MED6: variants seen among roughly 807,000 people sequenced by gnomAD.
The protein encoded by MED6 is mediator of RNA polymerase II transcription subunit 6.
In MED6, 33 loss-of-function variants were observed where a neutral mutation model predicts 37.5. The ratio of observed to expected loss-of-function variants is 0.88; its 90% CI spans 0.67 to 1.18. The LOEUF is 1.18. Ranked by LOEUF, MED6 falls within the 50% of genes most tolerant of loss-of-function variation. MED6 has a pLI of 0.00. For synonymous variants in MED6, 94 were observed against 93.6 expected, an observed-to-expected ratio of 1.00 and a Z score of -0.02; for missense variants, 235 against 290.6, an observed-to-expected ratio of 0.81 and a Z score of 1.39.
chr14:70,595,646 G>T, intron 3 of MED6: 1 of 955,384 alleles, frequency 1.0e-6, no homozygotes, highest in East Asian at 2.6e-5. Context: ...TGAACATCAA[G>T]GTCAAGCTGT....
Position 70,591,271 on chromosome 14 carries a change from C to CA in MED6, c.576dup (p.Val193CysfsTer29). On this transcript the variant is annotated frameshift_variant, in exon 6 of 8. Coordinates refer to ENST00000256379, the MANE Select transcript of MED6 (RefSeq NM_005466.4). LOFTEE classifies it high-confidence loss of function. ...ACCACACATATTCTCATTACCTGCA[C>CA]AAATTTGGGTGGAAATTTTTGTCTG... 6.2e-7 allele frequency: 1 copy of CA among 1,610,334 alleles called. No individual in the cohort carries two copies. The highest frequency in any genetic ancestry group is 8.5e-7 in the Non-Finnish European group (1 of 1,177,890).
chr14:70,586,943 C>T (rs1416136923), intron 6 of MED6, among the ~76,000 whole-genome samples: 1 of 152,166 alleles, frequency 6.6e-6, no homozygotes, highest in African/African-American at 2.4e-5. Flanking sequence ...TGGAGGGTTC[C>T]CACCATTCCC....
intron 1 of MED6, among the ~76,000 whole-genome samples, chr14:70,598,692 C>G (rs886815326): frequency 2.0e-5 from 3 of 151,760 alleles, no homozygotes; most frequent in African/African-American, 7.3e-5. Context: ...AGAATAATTT[C>G]ATTAGGTGAA....
In MED6 at chr14:70,592,476, T is replaced by TC. The variant is rs1884904831; in HGVS notation, c.466+403dup. On this transcript the variant is annotated intron_variant, in intron 5 of 7. Transcript: ENST00000256379. Reference sequence around the variant, plus strand: ...TTCCACACCACTGTCTCTCCTATGTTCCTTTTTTTTTTTTTTTTTTTTTTT... The same window carrying TC: ...TTCCACACCACTGTCTCTCCTATGTTCCCTTTTTTTTTTTTTTTTTTTTTTT... 6 of 148,060 alleles carry TC rather than the reference T, an allele frequency of 4.1e-5. No homozygotes were observed. The South Asian group carries it at 1.1e-3, about 27-fold the overall frequency. 9.2% of individuals were successfully genotyped at this position (148,060 alleles called of 1,614,324 possible).
intron 5 of MED6, 123 bp downstream of exon 5, chr14:70,592,757 G>A: frequency 4.8e-6 from 5 of 1,042,100 alleles, no homozygotes; most frequent in Admixed American, 2.3e-5. Flanking sequence ...CTGCAACAAA[G>A]CCATCATCCC....
intron 1 of MED6, among the ~76,000 whole-genome samples, chr14:70,599,901 ATG>A (rs1885154756): frequency 6.6e-6 from 1 of 151,666 alleles, no homozygotes. Flanking sequence ...TTTGTAATAA[ATG>A]TGTTAGACCC....
chr14:70,595,695 A>G lies in MED6; in HGVS notation c.274+916T>C, dbSNP rs1462899568. On this transcript the variant is annotated intron_variant, in intron 3 of 7. Transcript: ENST00000256379. The stretch of plus-strand genomic sequence containing the variant: ...CACCTACCGCCGCCTGCTGGAAGAC[A>G]GCCAGGACTTCAATCTTGGTGACGC... The G allele has an allele frequency of 3.6e-6, 3 of 826,146 alleles. No homozygotes were observed. The East Asian group carries it at 7.7e-5, about 21-fold the overall frequency. The allele number at this position is 826,146 out of a possible 1,614,324, so 51.2% of individuals were successfully genotyped here.
intron 1 of MED6, among the ~76,000 whole-genome samples, chr14:70,598,962 G>A (rs1202853426): frequency 6.6e-6 from 1 of 152,152 alleles, no homozygotes; most frequent in Non-Finnish European, 1.5e-5. Flanking sequence ...ATTTAGCGTA[G>A]AATTAAATCA....
In MED6 at chr14:70,584,302, T is replaced by C. The variant is rs1347358282; in HGVS notation, c.*511A>G. 1.8e-6 allele frequency: 1 copy of C among 568,730 alleles called. No individual in the cohort carries two copies. The highest frequency in any genetic ancestry group is 1.9e-5 in the African/African-American group (1 of 53,002). 35.2% of individuals were successfully genotyped at this position (568,730 alleles called of 1,614,324 possible). The stretch of plus-strand genomic sequence containing the variant: ...CCAGTAAACATGTGAGTGTGTAGGT[T>C]GCTCAAGTCCGGGAGAGGAAAGGTT... On this transcript the variant is annotated 3_prime_UTR_variant, in exon 8 of 8. Transcript: ENST00000256379.
intron 1 of MED6, among the ~76,000 whole-genome samples, chr14:70,598,870 T>C (rs567030702): frequency 2.1e-4 from 32 of 152,336 alleles, no homozygotes; most frequent in African/African-American, 7.5e-4. Flanking sequence ...GAAGCTATTA[T>C]TGTAGATGAG....
Position 70,591,268 on chromosome 14 carries a change from G to A in MED6, c.580C>T (p.Gln194Ter). The A allele has an allele frequency of 6.2e-7, 1 of 1,607,830 alleles. No homozygotes were observed. Among genetic ancestry groups the A allele is most frequent in the East Asian group, 2.2e-5 (1 of 44,638 alleles). ...TTAACCACACATATTCTCATTACCT[G>A]CACAAATTTGGGTGGAAATTTTTGT... The part of the protein sequence containing the change: ...LRQKFPPKFV[Q>*]LKPGEKPVPV... The change falls in exon 6 of 8, where the codon CAG (glutamine) becomes TAG (stop). Residue 194 changes from glutamine to a stop codon, truncating the protein, a stop_gained and splice_region_variant. Coordinates refer to ENST00000256379, the MANE Select transcript of MED6 (RefSeq NM_005466.4). LOFTEE classifies it high-confidence loss of function.
At chr14:70,592,614 C>A in intron 5 of MED6, 1 of 268,854 alleles carries the variant, frequency 3.7e-6, no homozygotes, top group Non-Finnish European at 7.3e-6. Context: ...AGGAGTGAGC[C>A]ACCACACCTG....
At chr14:70,595,845 T>C (rs1240279223) in intron 3 of MED6, 4 of 672,168 alleles carry the variant, frequency 6.0e-6, no homozygotes, top group Middle Eastern at 4.3e-4. Context: ...AGAAGCAGGG[T>C]ACCCTTTGAG....
At chr14:70,586,824 T>C (rs1316563147) in intron 6 of MED6, among the ~76,000 whole-genome samples, 3 of 152,210 alleles carry the variant, frequency 2.0e-5, no homozygotes, top group African/African-American at 7.2e-5. Context: ...CTTCACATTA[T>C]TATCCACTGT....
rs916293235 is a variant in MED6, at chr14:70,600,589, G to C, written c.22+27C>G. The C allele has an allele frequency of 3.1e-6, 5 of 1,613,084 alleles. No homozygotes were observed. In the Middle Eastern group the frequency reaches 5.0e-4, roughly 160 times the overall value. On this transcript the variant is annotated intron_variant, in intron 1 of 7. Coordinates refer to ENST00000256379, the MANE Select transcript of MED6 (RefSeq NM_005466.4). ...CCCAAACTGGTCCACAGACAATCAA[G>C]AGACAAAATATAGCAATACAGTATA...
In MED6 at chr14:70,584,681, T is replaced by A; in HGVS notation, c.*132A>T. 2 of 1,230,694 alleles carry A rather than the reference T, an allele frequency of 1.6e-6. No homozygotes were observed. The highest frequency in any genetic ancestry group is 2.2e-6 in the Non-Finnish European group (2 of 892,064). The allele number at this position is 1,230,694 out of a possible 1,614,324, so 76.2% of individuals were successfully genotyped here. On this transcript the variant is annotated 3_prime_UTR_variant, in exon 8 of 8. Coordinates refer to ENST00000256379, the MANE Select transcript of MED6 (RefSeq NM_005466.4). Reference sequence around the variant, plus strand: ...GTGAGCCACCACATCCGGCCTAATATCCTTTCAAAAAATAAGCGCATTCCA... The same window carrying A: ...GTGAGCCACCACATCCGGCCTAATAACCTTTCAAAAAATAAGCGCATTCCA...
intron 3 of MED6, chr14:70,594,656 T>C (rs1884987280): frequency 2.2e-6 from 1 of 449,964 alleles, no homozygotes; most frequent in Non-Finnish European, 4.2e-6. Context: ...CCAGCGTCTA[T>C]ACAGGCACCG....
rs1884863953 is a variant in MED6 at position 70,591,327 on chromosome 14, C to T, written c.521G>A (p.Arg174Lys). ...RKEEPSSIFQ[R>K]QRVDALLLDL... is the part of the protein sequence containing the mutation. ...TAAAAGTAAAGCATCCACACGTTGT[C>T]TCTGAAAAATAGAGCTTGGTTCTTC... The change falls in exon 6 of 8, where the codon AGA (arginine) becomes AAA (lysine). Residue 174 changes from arginine (R) to lysine (K), a missense_variant. Physicochemically the swap from Arg to Lys is conservative, Grantham distance 26 (BLOSUM62 2). Transcript: ENST00000256379. The T allele has an allele frequency of 6.2e-7, 1 of 1,608,290 alleles. No homozygotes were observed. The highest frequency in any genetic ancestry group is 1.1e-5 in the South Asian group (1 of 88,922).
At chr14:70,594,819 G>C in intron 3 of MED6, 2 of 634,746 alleles carry the variant, frequency 3.2e-6, no homozygotes, top group Non-Finnish European at 5.8e-6. Context: ...AACCTACCCT[G>C]GTTCAATGCC....
Sources: gnomAD v4.1 joint callset for allele counts (sites outside exome capture counted in the v4.1 genomes callset) on GRCh38, gnomAD v4.1.1 for gene constraint, MANE v1.5 for transcripts, NCBI Gene and HGNC (gene_info 2026-07-23, HGNC 2026-07-21) for gene names.